The following CT45A1 variants were observed in gnomAD, a reference collection of about 807,000 sequenced individuals.
The protein encoded by CT45A1 is cancer/testis antigen 45-1.
At chrX:135,709,770 G>A (rs113662171), upstream of CT45A1, among the ~76,000 whole-genome samples, 6 of 111,094 alleles carry the variant, frequency 5.4e-5, no homozygotes, top group Non-Finnish European at 1.1e-4. Context: ...CCTATTGGAT[G>A]CTCTCTTCAC....
At chrX:135,712,979 T>C (rs1335178165), upstream of CT45A1, among the ~76,000 whole-genome samples, 890 of 9,498 alleles carry the variant, frequency 0.094, 5 homozygotes, top group East Asian at 0.25. Context: ...CTTTCTTTTC[T>C]TTCTCCTTCC....
rs782128226 is a variant in CT45A1, at chrX:135,718,171, CTGT to C, written c.-6-750_-6-748del. ...TCATGTGGTGTTTCCCTGTTTGTTG[CTGT>C]TGTTGTTGTTGTTAATGTGGTGCAT... is the stretch of plus-strand genomic sequence containing the variant. On this transcript the variant is annotated intron_variant, in intron 1 of 4. Coordinates refer to ENST00000594565, the MANE Select transcript of CT45A1 (RefSeq NM_001017417.3). Among the ~76,000 whole-genome samples the C allele has an allele frequency of 9.4e-3, 1,051 of 111,327 alleles. 6 individuals are homozygous for C. Among genetic ancestry groups the C allele is most frequent in the Non-Finnish European group, 0.016 (854 of 52,930 alleles).
At chrX:135,718,458 C>A (rs1379264545) in intron 1 of CT45A1, among the ~76,000 whole-genome samples, 1 of 109,796 alleles carries the variant, frequency 9.1e-6, no homozygotes, top group Middle Eastern at 4.9e-3. Context: ...AGGGTTAATA[C>A]AGATTGGTTT....
At chrX:135,713,000 T>TTCCTTC (rs1419239323), upstream of CT45A1, among the ~76,000 whole-genome samples, 27 of 22,005 alleles carry the variant, frequency 1.2e-3, no homozygotes, top group Admixed American at 2.3e-3. Flanking sequence ...TTCCTTCCTC[T>TTCCTTC]CTCTCTCTCT....
At chrX:135,712,929 T>TTTTTTTCTTTCTTTCTTTC (rs1556570037), upstream of CT45A1, among the ~76,000 whole-genome samples, 5 of 62,925 alleles carry the variant, frequency 7.9e-5, no homozygotes, top group Non-Finnish European at 1.4e-4. Context: ...TTTTCTTTTC[T>TTTTTTTCTTTCTTTCTTTC]TTTCTTTTTT....
intron 1 of CT45A1, among the ~76,000 whole-genome samples, chrX:135,717,621 T>A: frequency 8.9e-6 from 1 of 112,198 alleles, no homozygotes; most frequent in Non-Finnish European, 1.9e-5. Flanking sequence ...TGAATTTCTC[T>A]GAGTGATGTT....
intron 1 of CT45A1, among the ~76,000 whole-genome samples, chrX:135,716,980 G>C (rs2087992707): frequency 9.0e-6 from 1 of 111,245 alleles, no homozygotes; most frequent in African/African-American, 3.3e-5. Flanking sequence ...CATTGCTCCA[G>C]TACCACACTG....
At position 135,715,381 on chromosome X, in the gene CT45A1, T is replaced by C. The variant is rs868978392; in HGVS notation, c.-7+1691T>C. ...ATAATACTTATATATATAATACTTA[T>C]ATATAATACTTATATATATAATACT... On this transcript the variant is annotated intron_variant, in intron 1 of 4. Transcript: ENST00000594565. 6.6e-4 allele frequency among the ~76,000 whole-genome samples: 46 copies of C among 69,260 alleles called. 1 individual carries two copies. The highest frequency in any genetic ancestry group is 2.6e-3 in the African/African-American group (42 of 16,131). The allele number at this position is 69,260 out of a possible 115,157, so 60.1% of individuals were successfully genotyped here. A position where few individuals can be genotyped will look rare whatever the true frequency, so the allele number is the denominator to read the frequency against.
chrX:135,713,277 G>A, upstream of CT45A1, among the ~76,000 whole-genome samples: 1 of 104,866 alleles, frequency 9.5e-6, no homozygotes, highest in Non-Finnish European at 1.9e-5. Context: ...ATGTTACCCA[G>A]GCGATTTCAT....
intron 1 of CT45A1, among the ~76,000 whole-genome samples, chrX:135,718,505 A>G (rs782794295): frequency 1.5e-4 from 17 of 110,150 alleles, no homozygotes; most frequent in African/African-American, 4.6e-4. Context: ...AAATACTTAT[A>G]TATTAAATAC....
chrX:135,715,359 ATACT>A lies in CT45A1; in HGVS notation c.-7+1672_-7+1675del, dbSNP rs1452775717. On this transcript the variant is annotated intron_variant, in intron 1 of 4. Transcript: ENST00000594565. ...TATATATATATAATACTTACATATA[ATACT>A]TATATATATAATACTTATATATAAT... Among the ~76,000 whole-genome samples, 116 of 34,544 alleles carry A rather than the reference ATACT, an allele frequency of 3.4e-3. 1 individual carries two copies. Among genetic ancestry groups the A allele is most frequent in the Middle Eastern group, 0.026 (1 of 39 alleles). 30.0% of individuals were successfully genotyped at this position (34,544 alleles called of 115,157 possible). A position where few individuals can be genotyped will look rare whatever the true frequency, so the allele number is the denominator to read the frequency against.
At chrX:135,711,771 T>C (rs2087934530), upstream of CT45A1, among the ~76,000 whole-genome samples, 1 of 112,015 alleles carries the variant, frequency 8.9e-6, no homozygotes, top group South Asian at 3.6e-4. Flanking sequence ...TTGCTGCACT[T>C]AAAATAAGTT....
At chrX:135,718,291 T>G (rs1448061563) in intron 1 of CT45A1, among the ~76,000 whole-genome samples, 3 of 111,310 alleles carry the variant, frequency 2.7e-5, no homozygotes, top group African/African-American at 9.8e-5. Context: ...CTATTGCATT[T>G]TATTTGCTCA....
upstream of CT45A1, among the ~76,000 whole-genome samples, chrX:135,711,360 T>C (rs1330943512): frequency 8.9e-6 from 1 of 112,036 alleles, no homozygotes; most frequent in Non-Finnish European, 1.9e-5. Context: ...ATTAATACAA[T>C]AGGCTAGGAA....
At chrX:135,715,216 C>T (rs1351730621) in intron 1 of CT45A1, among the ~76,000 whole-genome samples, 18 of 82,421 alleles carry the variant, frequency 2.2e-4, no homozygotes, top group Non-Finnish European at 3.3e-4. Flanking sequence ...ATATATAATA[C>T]TTATATATAT....
At chrX:135,717,091 TA>T (rs1317351217) in intron 1 of CT45A1, among the ~76,000 whole-genome samples, 1 of 111,603 alleles carries the variant, frequency 9.0e-6, no homozygotes, top group African/African-American at 3.2e-5. Flanking sequence ...TTCCTTGGCT[TA>T]AAAAAAACTT....
chrX:135,712,998 T>TTCCTTCCTTCCTTC (rs782155348), upstream of CT45A1, among the ~76,000 whole-genome samples: 13 of 15,244 alleles, frequency 8.5e-4, no homozygotes, highest in African/African-American at 2.1e-3. Flanking sequence ...CCTTCCTTCC[T>TTCCTTCCTTCCTTC]CTCTCTCTCT....
chrX:135,710,668 G>A (rs2087929251), upstream of CT45A1, among the ~76,000 whole-genome samples: 1 of 112,193 alleles, frequency 8.9e-6, no homozygotes, highest in African/African-American at 3.2e-5. Context: ...TGACCACTTT[G>A]TTGAGCCCAT....
intron 1 of CT45A1, among the ~76,000 whole-genome samples, chrX:135,715,210 A>G (rs1157655673): frequency 1.1e-5 from 1 of 88,708 alleles, no homozygotes; most frequent in Non-Finnish European, 2.2e-5. Context: ...TTATATATAT[A>G]TAATACTTAT....
Sources: gnomAD v4.1 joint callset for allele counts (sites outside exome capture counted in the v4.1 genomes callset) on GRCh38, gnomAD v4.1.1 for gene constraint, MANE v1.5 for transcripts, NCBI Gene and HGNC (gene_info 2026-07-23, HGNC 2026-07-21) for gene names.